TTC21A: variants seen among roughly 807,000 people sequenced by gnomAD.
TTC21A encodes the protein tetratricopeptide repeat domain 21A, also known as tetratricopeptide repeat protein 21A.
TTC21A carries 128 observed loss-of-function variants against 156.4 expected under a neutral mutation model. The ratio of observed to expected loss-of-function variants is 0.82; its 90% CI spans 0.71 to 0.95. TTC21A has a LOEUF of 0.95. Ranked by LOEUF, TTC21A falls within the 40% of genes least tolerant of loss-of-function variation. TTC21A has a pLI of 0.00. For synonymous variants in TTC21A, 587 were observed against 617.1 expected (o/e 0.95, Z 0.72); for missense variants, 1,435 against 1,602.3 (o/e 0.90, Z 1.78).
At chr3:39,133,399 T>C (rs891042944) in intron 20 of TTC21A, among the ~76,000 whole-genome samples, 159 bp downstream of exon 20, 1 of 152,122 alleles carries the variant, frequency 6.6e-6, no homozygotes, top group African/African-American at 2.4e-5. Flanking sequence ...GCCTCTGGGG[T>C]AAGGTGTCTG....
At chr3:39,109,261 G>A (rs2125735283) in intron 2 of TTC21A, 47 bp downstream of exon 2, 6 of 1,587,872 alleles carry the variant, frequency 3.8e-6, no homozygotes, top group Non-Finnish European at 5.2e-6. Context: ...CACTAGCTGG[G>A]CCCTAACACT....
At chr3:39,136,284 T>G in intron 22 of TTC21A, 73 bp from the exon 23 acceptor site, 2 of 1,529,458 alleles carry the variant, frequency 1.3e-6, no homozygotes, top group Non-Finnish European at 1.8e-6. Flanking sequence ...TGGCTTCTCC[T>G]AGGGCCCCAG....
intron 12 of TTC21A, 83 bp downstream of exon 12, chr3:39,126,473 ACTACACACAC>A: frequency 1.0e-6 from 1 of 986,726 alleles, no homozygotes; most frequent in Non-Finnish European, 1.5e-6. Flanking sequence ...TGCCTAGGAT[ACTACACACAC>A]ACACACACAC....
At position 39,134,259 on chromosome 3, in the gene TTC21A, C is replaced by G. The variant is rs1463629233; in HGVS notation, c.2793C>G (p.His931Gln). 2 of 1,613,984 alleles carry G rather than the reference C, an allele frequency of 1.2e-6. No homozygotes were observed. The highest frequency in any genetic ancestry group is 1.1e-5 in the South Asian group (1 of 91,080). The change falls in exon 21 of 29, where the codon CAC (histidine) becomes CAG (glutamine). Residue 931 changes from histidine to glutamine, a missense_variant. Coordinates refer to ENST00000683103, the MANE Select transcript of TTC21A (RefSeq NM_001366900.1). This position sits in a 1 kb window ranked among gnomAD's most constrained non-coding sequence, Gnocchi z 4.6. ...CGCAGCTCTACCTGCTCCAGGGGCACCTGGACCTGTGTGAGCAGCACTGTG... is the reference window on the plus strand; with the variant it reads ...CGCAGCTCTACCTGCTCCAGGGGCAGCTGGACCTGTGTGAGCAGCACTGTG... ...ELAQLYLLQG[H>Q]LDLCEQHCAI...
chr3:39,131,038 G>T lies in TTC21A; in HGVS notation c.2505G>T (p.Leu835Phe). The T allele has an allele frequency of 3.1e-6, 5 of 1,613,670 alleles. No individual in the cohort carries two copies. The highest frequency in any genetic ancestry group is 4.2e-6 in the Non-Finnish European group (5 of 1,180,020). Residue 835 changes from leucine (L) to phenylalanine (F), a missense_variant, in exon 19 of 29, where the codon TTG becomes TTT. By Grantham distance (22) the Leu-to-Phe change is conservative. Coordinates refer to ENST00000683103, the MANE Select transcript of TTC21A (RefSeq NM_001366900.1). ...TGAATGATGTTAAGTGCCTGCTTTTGCTGGCAAAGGTTTACAAGAGCCATA... is the reference window on the plus strand; with the variant it reads ...TGAATGATGTTAAGTGCCTGCTTTTTCTGGCAAAGGTTTACAAGAGCCATA... ...SMMNDVKCLL[L>F]LAKVYKSHKK...
intron 19 of TTC21A, chr3:39,132,623 T>C: frequency 4.9e-6 from 1 of 202,536 alleles, no homozygotes; most frequent in Non-Finnish European, 9.9e-6. Context: ...TGTTCTCTGC[T>C]TACTCACCTG....
Position 39,130,225 on chromosome 3 carries a change from C to T in TTC21A, c.2209-23C>T, listed in dbSNP as rs192528718. On this transcript the variant is annotated intron_variant, in intron 16 of 28. Coordinates refer to ENST00000683103, the MANE Select transcript of TTC21A (RefSeq NM_001366900.1). This position sits in a 1 kb window ranked among gnomAD's most constrained non-coding sequence, Gnocchi z 4.5. ...TCTCCAGTGGGAGAGAAGAGGAAGACCCAAAGACACTTTCCCCACCAGCCC... is the reference window on the plus strand; with the variant it reads ...TCTCCAGTGGGAGAGAAGAGGAAGATCCAAAGACACTTTCCCCACCAGCCC... 4.3e-6 allele frequency: 7 copies of T among 1,611,862 alleles called. No homozygotes were observed. The East Asian group carries it at 1.1e-4, about 26-fold the overall frequency.
Position 39,138,748 on chromosome 3 carries a change from AGGAAATTTT to A in TTC21A, c.3908_3916del (p.Ile1303_Glu1305del). 4 of 1,614,040 alleles carry A rather than the reference AGGAAATTTT, an allele frequency of 2.5e-6. No individual in the cohort carries two copies. The highest frequency in any genetic ancestry group is 3.4e-6 in the Non-Finnish European group (4 of 1,179,988). On this transcript the variant is annotated inframe_deletion, in exon 29 of 29. Transcript: ENST00000683103. ...CACCCCGACTACCCCAAGATCAGGGAGGAAATTTTGGAAAAGGCCCGAAGGTCCCTGAGG... is the reference window on the plus strand; with the variant it reads ...CACCCCGACTACCCCAAGATCAGGGAGGAAAAGGCCCGAAGGTCCCTGAGG...
At chr3:39,109,533 A>T (rs538137964) in intron 2 of TTC21A, among the ~76,000 whole-genome samples, 1 of 152,214 alleles carries the variant, frequency 6.6e-6, no homozygotes, top group African/African-American at 2.4e-5. Context: ...CAGGCAAAGG[A>T]GGGGGAAGAG....
At chr3:39,112,044 G>A (rs568061977) in intron 4 of TTC21A, among the ~76,000 whole-genome samples, 1 of 152,334 alleles carries the variant, frequency 6.6e-6, no homozygotes, top group South Asian at 2.1e-4. Context: ...GGCCTAAGGA[G>A]TGGAGACATC....
chr3:39,127,241 G>A (rs1029208173), intron 12 of TTC21A, among the ~76,000 whole-genome samples: 2 of 152,198 alleles, frequency 1.3e-5, no homozygotes, highest in African/African-American at 4.8e-5. Context: ...CTGGAAACCA[G>A]GCTGATCTGT....
intron 4 of TTC21A, among the ~76,000 whole-genome samples, chr3:39,111,879 C>T (rs1481203470): frequency 1.3e-5 from 2 of 152,198 alleles, no homozygotes; most frequent in Non-Finnish European, 2.9e-5. Context: ...AGGGCTCTTC[C>T]AAGTCTGCTT....
At position 39,134,374 on chromosome 3, in the gene TTC21A, C is replaced by A. The variant is rs756452662; in HGVS notation, c.2862+46C>A. The A allele has an allele frequency of 3.6e-5, 50 of 1,371,552 alleles. No homozygotes were observed. The highest frequency in any genetic ancestry group is 5.1e-5 in the Non-Finnish European group (49 of 958,872). The allele number at this position is 1,371,552 out of a possible 1,614,324, so 85.0% of individuals were successfully genotyped here. A position where few individuals can be genotyped will look rare whatever the true frequency, so the allele number is the denominator to read the frequency against. ...ACTCCCTCCCCTCCCTTCCTCCCTTCCCAGGGTCCCTGTGACCAGATGCAG... is the reference window on the plus strand; with the variant it reads ...ACTCCCTCCCCTCCCTTCCTCCCTTACCAGGGTCCCTGTGACCAGATGCAG... On this transcript the variant is annotated intron_variant, in intron 21 of 28. Coordinates refer to ENST00000683103, the MANE Select transcript of TTC21A (RefSeq NM_001366900.1). The surrounding 1 kb of genome is among the most constrained non-coding windows in gnomAD (Gnocchi z 4.6).
chr3:39,111,968 A>T (rs1404650365), intron 4 of TTC21A, among the ~76,000 whole-genome samples: 1 of 152,120 alleles, frequency 6.6e-6, no homozygotes, highest in East Asian at 1.9e-4. Context: ...ACGAGCTCAG[A>T]ACGGCTCCTG....
At position 39,137,388 on chromosome 3, in the gene TTC21A, G is replaced by T; in HGVS notation, c.3450+1G>T. The T allele has an allele frequency of 1.2e-6, 2 of 1,612,436 alleles. No individual in the cohort carries two copies. On this transcript the variant is annotated splice_donor_variant, in intron 25 of 28. Coordinates refer to ENST00000683103, the MANE Select transcript of TTC21A (RefSeq NM_001366900.1). LOFTEE classifies it high-confidence loss of function. ...CTTCATCCAGATAGCGCAGGCTGAGGTGTGGCTGGTGGGGACTGGCGGGCA... is the reference window on the plus strand; with the variant it reads ...CTTCATCCAGATAGCGCAGGCTGAGTTGTGGCTGGTGGGGACTGGCGGGCA...
At chr3:39,108,232 C>T (rs967101001) in intron 1 of TTC21A, 2 of 362,480 alleles carry the variant, frequency 5.5e-6, no homozygotes, top group African/African-American at 2.1e-5. Context: ...CTATACTCAT[C>T]TTCTAATCCT....
intron 9 of TTC21A, among the ~76,000 whole-genome samples, 173 bp from the exon 10 acceptor site, chr3:39,124,890 T>TCTA (rs2038091107): frequency 6.6e-6 from 1 of 152,086 alleles, no homozygotes; most frequent in Non-Finnish European, 1.5e-5. Flanking sequence ...TGCCTTAGGG[T>TCTA]TTGAATTCTT....
intron 5 of TTC21A, among the ~76,000 whole-genome samples, chr3:39,113,127 A>C (rs1409815516): frequency 6.6e-6 from 1 of 152,144 alleles, no homozygotes; most frequent in Non-Finnish European, 1.5e-5. Flanking sequence ...TTATAAAAGA[A>C]TACATACTTA....
At position 39,112,455 on chromosome 3, in the gene TTC21A, C is replaced by T. The variant is rs772578838; in HGVS notation, c.436-3C>T. ...TTCATCTTTCATCTTGTTCTCATCC[C>T]AGGCCTATGTGCTCAGAGGCTGGGT... On this transcript the variant is annotated splice_region_variant and splice_polypyrimidine_tract_variant and intron_variant, in intron 4 of 28. Coordinates refer to ENST00000683103, the MANE Select transcript of TTC21A (RefSeq NM_001366900.1). 1.4e-5 allele frequency: 23 copies of T among 1,613,998 alleles called. No individual in the cohort carries two copies. The African/African-American group carries it at 2.7e-4, about 19-fold the overall frequency.
Sources: allele counts gnomAD v4.1 joint callset (sites outside exome capture counted in the v4.1 genomes callset), GRCh38; gene constraint gnomAD v4.1.1; non-coding constraint Gnocchi (gnomAD v3.1); transcripts MANE v1.5; gene names NCBI Gene and HGNC (gene_info 2026-07-23, HGNC 2026-07-21).